The following ITGA8 variants were observed in gnomAD, a reference collection of about 807,000 sequenced individuals.
The protein encoded by ITGA8 is integrin alpha-8.
In ITGA8, 91 loss-of-function variants were observed where a neutral mutation model predicts 142.3. That is an observed-to-expected ratio of 0.64 (90% CI 0.54 to 0.76). The LOEUF is 0.76. ITGA8 is among the 30% of genes least tolerant of loss of function. The pLI is 0.00. For missense variants in ITGA8, 1,406 were observed against 1,327.7 expected, an observed-to-expected ratio of 1.06 and a Z score of -0.92; for synonymous variants, 505 against 485.2, an observed-to-expected ratio of 1.04 and a Z score of -0.54.
At position 15,517,048 on chromosome 10, in the gene ITGA8, C is replaced by A; in HGVS notation, c.*110G>T. ...GATGTTTCCAGGGTCCCCTCCATTT[C>A]CTGGGTCACTGTCAGGTATCAGAAA... On this transcript the variant is annotated 3_prime_UTR_variant, in exon 30 of 30. Coordinates refer to ENST00000378076, the MANE Select transcript of ITGA8 (RefSeq NM_003638.3). The A allele has an allele frequency of 4.4e-6, 3 of 688,640 alleles. No homozygotes were observed. The highest frequency in any genetic ancestry group is 3.3e-5 in the Admixed American group (1 of 30,620). The allele number at this position is 688,640 out of a possible 1,614,324, so 42.7% of individuals were successfully genotyped here. A position where few individuals can be genotyped will look rare whatever the true frequency, so the allele number is the denominator to read the frequency against.
chr10:15,519,392 C>T lies in ITGA8; in HGVS notation c.3003G>A (p.Trp1001Ter), dbSNP rs768988351. 6.2e-7 allele frequency: 1 copy of T among 1,613,446 alleles called. No homozygotes were observed. Among genetic ancestry groups the T allele is most frequent in the Non-Finnish European group, 8.5e-7 (1 of 1,179,692 alleles). ...TTGAGAAGGAAACATTCGGAGTTGC[C>T]CAAATAACTGATGTCTTAATCTGAA... ...GSIVIKTSVIWATPNVSFSIP... is the reference protein window; with the variant it reads ...GSIVIKTSVI Residue 1001 changes from tryptophan (W) to a stop codon, truncating the protein, a stop_gained, in exon 29 of 30, where the codon TGG (tryptophan) becomes TGA (stop). Coordinates refer to ENST00000378076, the MANE Select transcript of ITGA8 (RefSeq NM_003638.3). LOFTEE classifies it high-confidence loss of function.
In ITGA8 at chr10:15,517,042, C is replaced by CAAAA; in HGVS notation, c.*115_*116insTTTT. On this transcript the variant is annotated 3_prime_UTR_variant, in exon 30 of 30. Coordinates refer to ENST00000378076, the MANE Select transcript of ITGA8 (RefSeq NM_003638.3). ...TGAGGTGATGTTTCCAGGGTCCCCT[C>CAAAA]CATTTCCTGGGTCACTGTCAGGTAT... 1.8e-6 allele frequency: 1 copy of CAAAA among 564,230 alleles called. No homozygotes were observed. The highest frequency in any genetic ancestry group is 2.8e-6 in the Non-Finnish European group (1 of 354,362). The allele number at this position is 564,230 out of a possible 1,614,324, so 35.0% of individuals were successfully genotyped here. A position where few individuals can be genotyped will look rare whatever the true frequency, so the allele number is the denominator to read the frequency against.
At chr10:15,708,343 T>C (rs1025685988) in intron 2 of ITGA8, among the ~76,000 whole-genome samples, 5 of 152,010 alleles carry the variant, frequency 3.3e-5, no homozygotes, top group African/African-American at 1.2e-4. Context: ...TGGTAAAGAA[T>C]GGATAATCTA....
intron 2 of ITGA8, among the ~76,000 whole-genome samples, chr10:15,717,886 CAAAG>C (rs1289793668): frequency 2.0e-5 from 3 of 152,112 alleles, no homozygotes; most frequent in Admixed American, 6.5e-5. Flanking sequence ...AATTAAAAAT[CAAAG>C]AAATCAAGTA....
intron 6 of ITGA8, 77 bp from the exon 7 acceptor site, chr10:15,672,826 T>C: frequency 3.6e-6 from 5 of 1,402,604 alleles, no homozygotes; most frequent in Non-Finnish European, 4.7e-6. Flanking sequence ...CACATTCCCT[T>C]GAAAGCTATG....
At chr10:15,610,406 A>C (rs1427645680) in intron 15 of ITGA8, among the ~76,000 whole-genome samples, 1 of 152,212 alleles carries the variant, frequency 6.6e-6, no homozygotes, top group Non-Finnish European at 1.5e-5. Context: ...TCATTAGGGA[A>C]AGCTGTAAAC....
chr10:15,594,731 G>A (rs1225645535), intron 21 of ITGA8, among the ~76,000 whole-genome samples: 4 of 152,114 alleles, frequency 2.6e-5, no homozygotes, highest in Non-Finnish European at 4.4e-5. Context: ...GCAGTGAGCC[G>A]AGATTGTGCC....
intron 27 of ITGA8, among the ~76,000 whole-genome samples, chr10:15,531,784 G>GA (rs34822569): frequency 4.5e-4 from 66 of 147,240 alleles, no homozygotes; most frequent in South Asian, 1.1e-3. Context: ...CTAAAAACCA[G>GA]AAAAAAAAAA....
chr10:15,549,981 T>C (rs1370407853), intron 26 of ITGA8, among the ~76,000 whole-genome samples: 2 of 152,218 alleles, frequency 1.3e-5, no homozygotes, highest in Admixed American at 6.5e-5. Flanking sequence ...TGTTTGGCTA[T>C]GTCCCCACCC....
At chr10:15,641,778 G>C (rs1279803802) in intron 13 of ITGA8, among the ~76,000 whole-genome samples, 1 of 152,184 alleles carries the variant, frequency 6.6e-6, no homozygotes, top group Admixed American at 6.5e-5. Context: ...CAGCAAAGTT[G>C]TTGACTAGCA....
At chr10:15,536,730 C>T (rs908406895) in intron 27 of ITGA8, among the ~76,000 whole-genome samples, 3 of 152,252 alleles carry the variant, frequency 2.0e-5, no homozygotes, top group South Asian at 2.1e-4. Context: ...CTGTCATTAC[C>T]GCATCATTTA....
At chr10:15,571,637 A>AC (rs1482694290) in intron 25 of ITGA8, among the ~76,000 whole-genome samples, 5 of 152,168 alleles carry the variant, frequency 3.3e-5, no homozygotes, top group African/African-American at 1.2e-4. Flanking sequence ...CTCAGGTCCA[A>AC]CCCCAGCCCC....
intron 26 of ITGA8, among the ~76,000 whole-genome samples, chr10:15,557,225 C>T (rs915300015): frequency 3.9e-5 from 6 of 151,988 alleles, no homozygotes; most frequent in African/African-American, 1.4e-4. Context: ...TACAAAAATG[C>T]AAAAATTAGC....
chr10:15,586,311 G>C (rs1211439177), intron 23 of ITGA8, among the ~76,000 whole-genome samples: 1 of 151,908 alleles, frequency 6.6e-6, no homozygotes, highest in Non-Finnish European at 1.5e-5. Flanking sequence ...TGCTCACTTT[G>C]GCCTCCCAAA....
intron 13 of ITGA8, among the ~76,000 whole-genome samples, chr10:15,642,345 C>T (rs1833886413): frequency 6.6e-6 from 1 of 152,102 alleles, no homozygotes; most frequent in Non-Finnish European, 1.5e-5. Context: ...TGGATACATC[C>T]TCTATTTCCT....
In ITGA8 at chr10:15,719,844, G is replaced by T; in HGVS notation, c.-73C>A. ...GACCCCTGCGGGGCAAGGGGGGCTG[G>T]TGGAATCTGGCGGTCCCCAGCTGCC... On this transcript the variant is annotated 5_prime_UTR_variant, in exon 1 of 30. Transcript: ENST00000378076. 8.8e-7 allele frequency: 1 copy of T among 1,142,282 alleles called. No individual in the cohort carries two copies. 70.8% of individuals were successfully genotyped at this position (1,142,282 alleles called of 1,614,324 possible).
At chr10:15,671,499 C>G (rs1258104092) in intron 8 of ITGA8, 104 bp downstream of exon 8, 7 of 912,174 alleles carry the variant, frequency 7.7e-6, no homozygotes, top group South Asian at 1.4e-5. Context: ...ATTAATATCC[C>G]TTTGGTATAG....
At chr10:15,553,886 A>T (rs1206906002) in intron 26 of ITGA8, among the ~76,000 whole-genome samples, 1 of 151,952 alleles carries the variant, frequency 6.6e-6, no homozygotes, top group Non-Finnish European at 1.5e-5. Flanking sequence ...CCAGCTACTC[A>T]GGAGGCTGAG....
At chr10:15,538,524 A>C (rs1014559130) in intron 27 of ITGA8, among the ~76,000 whole-genome samples, 9 of 150,910 alleles carry the variant, frequency 6.0e-5, no homozygotes, top group East Asian at 1.9e-4. Flanking sequence ...AAAAAAAAAA[A>C]AAAAAAACTA....
Sources: allele counts gnomAD v4.1 joint callset (sites outside exome capture counted in the v4.1 genomes callset), GRCh38; gene constraint gnomAD v4.1.1; transcripts MANE v1.5; gene names NCBI Gene and HGNC (gene_info 2026-07-23, HGNC 2026-07-21).